WDHD1: variants seen among roughly 807,000 people sequenced by gnomAD.
The protein encoded by WDHD1 is WD repeat and HMG-box DNA binding protein 1, also known as WD repeat and HMG-box DNA-binding protein 1.
Under a neutral mutation model 135.4 loss-of-function variants are expected in WDHD1, and 111 were observed. The ratio of observed to expected loss-of-function variants is 0.82; its 90% confidence interval spans 0.70 to 0.96. The LOEUF (loss-of-function observed/expected upper bound fraction) is 0.96. Among genes scored for constraint, WDHD1 ranks in the 40% least tolerant of loss-of-function variants. WDHD1 has a pLI of 0.00. For missense variants in WDHD1, 1,351 were observed against 1,336.3 expected (o/e 1.01, Z -0.17); for synonymous variants, 434 against 439.0 (o/e 0.99, Z 0.14).
chr14:54,972,693 A>G (rs1371971260), intron 16 of WDHD1, among the ~76,000 whole-genome samples: 1 of 151,116 alleles, frequency 6.6e-6, no homozygotes, highest in Non-Finnish European at 1.5e-5. Context: ...GGTAGTGGGC[A>G]CTTGTAATCC....
intron 24 of WDHD1, among the ~76,000 whole-genome samples, chr14:54,952,799 A>G (rs865847499): frequency 1.3e-5 from 2 of 152,250 alleles, no homozygotes; most frequent in African/African-American, 4.8e-5. Flanking sequence ...GGAACAGAAC[A>G]GAGCCCTCAG....
chr14:54,965,511 T>C (rs2041326109), intron 18 of WDHD1, among the ~76,000 whole-genome samples: 2 of 152,134 alleles, frequency 1.3e-5, no homozygotes, highest in Admixed American at 1.3e-4. Flanking sequence ...CAGTATATAC[T>C]CAAACTTTGT....
chr14:55,009,080 C>G (rs150781215), intron 4 of WDHD1, among the ~76,000 whole-genome samples: 6 of 152,168 alleles, frequency 3.9e-5, no homozygotes, highest in Non-Finnish European at 5.9e-5. Flanking sequence ...CAGGCATGAG[C>G]CACTACGCCT....
chr14:54,991,163 A>G, intron 12 of WDHD1, 50 bp downstream of exon 12: 1 of 1,049,766 alleles, frequency 9.5e-7, no homozygotes, highest in South Asian at 1.6e-5. Flanking sequence ...TATAGTAAGA[A>G]AAAAGTGCTG....
chr14:54,984,941 AT>A, intron 14 of WDHD1, 81 bp from the exon 15 acceptor site: 1 of 1,554,224 alleles, frequency 6.4e-7, no homozygotes. Context: ...CTGTGAATTG[AT>A]TTTGTGGTAA....
At chr14:54,967,711 C>T (rs1413112875) in intron 16 of WDHD1, among the ~76,000 whole-genome samples, 1 of 152,094 alleles carries the variant, frequency 6.6e-6, no homozygotes, top group African/African-American at 2.4e-5. Context: ...GCCCCAACCT[C>T]CCAAGTTCAA....
rs1342320499 is a variant in WDHD1, at chr14:54,990,745, C to T, written c.1341+468G>A. Among the ~76,000 whole-genome samples the T allele has an allele frequency of 4.6e-5, 7 of 152,134 alleles. No homozygotes were observed. In the South Asian group the frequency reaches 1.0e-3, roughly 22 times the overall value. ...TAAACAAAACAAAAATCTTTATCCT[C>T]GTGTAGCTTACATTCTGGTGGGTGG... On this transcript the variant is annotated intron_variant, in intron 12 of 25. Coordinates refer to ENST00000360586, the MANE Select transcript of WDHD1 (RefSeq NM_007086.4).
intron 15 of WDHD1, among the ~76,000 whole-genome samples, chr14:54,984,030 C>T (rs540735992): frequency 7.9e-5 from 12 of 152,276 alleles, no homozygotes; most frequent in Non-Finnish European, 1.5e-4. Flanking sequence ...TCAACAGACA[C>T]ACATACTAGT....
At chr14:54,997,899 G>A (rs1245587047) in intron 10 of WDHD1, among the ~76,000 whole-genome samples, 5 of 138,860 alleles carry the variant, frequency 3.6e-5, no homozygotes, top group Admixed American at 7.2e-5. Context: ...CAACAAGAGC[G>A]GAACTCCGTC....
At chr14:55,017,684 C>T (rs2042282761) in intron 2 of WDHD1, among the ~76,000 whole-genome samples, 1 of 152,152 alleles carries the variant, frequency 6.6e-6, no homozygotes, top group Non-Finnish European at 1.5e-5. Context: ...ATCTGTGAAA[C>T]ACAAAAGTAC....
chr14:55,000,530 G>T lies in WDHD1; in HGVS notation c.915C>A (p.Asp305Glu), dbSNP rs1371109956. The change falls in exon 10 of 26, where the codon GAC becomes GAA. Residue 305 changes from aspartate to glutamate, a missense_variant. By Grantham distance (45) the Asp-to-Glu change is conservative. Transcript: ENST00000360586. Reference protein sequence around the residue: ...GNLGLLENVCDPSGKTSSSKV... With the variant: ...GNLGLLENVCEPSGKTSSSKV... ...TACTGCTTGATGTCTTTCCACTGGG[G>T]TCACAAACATTCTCTAGAAGCCCTA... 6.2e-7 allele frequency: 1 copy of T among 1,604,350 alleles called. No individual in the cohort carries two copies. Among genetic ancestry groups the T allele is most frequent in the East Asian group, 2.3e-5 (1 of 44,244 alleles).
rs2040806674 is a variant in WDHD1 at position 54,939,257 on chromosome 14, A to G, written c.*2233T>C. 1 of 152,210 alleles carries G rather than the reference A, an allele frequency of 6.6e-6. No homozygotes were observed. Among genetic ancestry groups the G allele is most frequent in the African/African-American group, 2.4e-5 (1 of 41,446 alleles). The allele number at this position is 152,210 out of a possible 1,614,324, so 9.4% of individuals were successfully genotyped here. On this transcript the variant is annotated 3_prime_UTR_variant, in exon 26 of 26. Coordinates refer to ENST00000360586, the MANE Select transcript of WDHD1 (RefSeq NM_007086.4). Reference sequence around the variant, plus strand: ...GATGCTTTCTACATGGATGGGCCTCATCCTTTTGTCCAAAGGGACTACCTG... The same window carrying G: ...GATGCTTTCTACATGGATGGGCCTCGTCCTTTTGTCCAAAGGGACTACCTG...
chr14:55,011,027 G>A (rs976161197), intron 3 of WDHD1, among the ~76,000 whole-genome samples: 3 of 152,250 alleles, frequency 2.0e-5, no homozygotes, highest in African/African-American at 7.2e-5. Context: ...GCCTTGGGAA[G>A]AGCCAACCAT....
chr14:54,984,281 G>A (rs570653867), intron 15 of WDHD1, among the ~76,000 whole-genome samples: 11 of 152,244 alleles, frequency 7.2e-5, no homozygotes, highest in East Asian at 1.9e-4. Flanking sequence ...GATCACTTGC[G>A]CCTAGGAGTT....
chr14:54,955,012 A>G (rs1373097097), intron 24 of WDHD1, among the ~76,000 whole-genome samples: 1 of 152,260 alleles, frequency 6.6e-6, no homozygotes, highest in Non-Finnish European at 1.5e-5. Context: ...TATAGGCGTG[A>G]GCCACCATGC....
At chr14:55,005,705 A>C (rs2140219201) in intron 7 of WDHD1, 1 of 464,092 alleles carries the variant, frequency 2.2e-6, no homozygotes, top group East Asian at 5.2e-5. Flanking sequence ...GTTTCCCTTT[A>C]AGTTACGATG....
chr14:55,023,569 T>C (rs1010792705), intron 2 of WDHD1, among the ~76,000 whole-genome samples: 1 of 152,266 alleles, frequency 6.6e-6, no homozygotes, highest in Non-Finnish European at 1.5e-5. Flanking sequence ...GCACTTCATA[T>C]GATTCCCATG....
At chr14:54,981,845 A>G in intron 15 of WDHD1, 149 bp from the exon 16 acceptor site, 1 of 483,782 alleles carries the variant, frequency 2.1e-6, no homozygotes, top group Non-Finnish European at 3.6e-6. Context: ...TTATTACGTA[A>G]AATTTCATTA....
intron 7 of WDHD1, among the ~76,000 whole-genome samples, chr14:55,006,787 GA>G (rs1259909059): frequency 6.6e-6 from 1 of 152,002 alleles, no homozygotes; most frequent in Non-Finnish European, 1.5e-5. Flanking sequence ...AATGAATCTT[GA>G]AAAAGTTCAA....
Sources: gnomAD v4.1 joint callset for allele counts (sites outside exome capture counted in the v4.1 genomes callset) on GRCh38, gnomAD v4.1.1 for gene constraint, MANE v1.5 for transcripts, NCBI Gene and HGNC (gene_info 2026-07-23, HGNC 2026-07-21) for gene names.